Variants in MSRB3 observed in about 807,000 individuals in gnomAD.
MSRB3 encodes methionine sulfoxide reductase B3.
In MSRB3, 13 loss-of-function variants were observed where a neutral mutation model predicts 21.0. That is an observed-to-expected ratio of 0.62 (90% confidence interval 0.40 to 0.98). MSRB3 has a LOEUF of 0.98. Ranked by LOEUF, MSRB3 falls within the 50% of genes least tolerant of loss-of-function variation. The pLI is 0.00. For synonymous variants in MSRB3, 87 were observed against 88.6 expected, an observed-to-expected ratio of 0.98 and a Z score of 0.10; for missense variants, 199 against 230.3, an observed-to-expected ratio of 0.86 and a Z score of 0.88.
intron 4 of MSRB3, among the ~76,000 whole-genome samples, chr12:65,352,212 C>T (rs1198630902): frequency 6.6e-6 from 1 of 152,120 alleles, no homozygotes; most frequent in Non-Finnish European, 1.5e-5. Flanking sequence ...ACGACAAAAA[C>T]CACATAATTA....
At chr12:65,341,902 G>A (rs1876167719) in intron 4 of MSRB3, among the ~76,000 whole-genome samples, 1 of 151,796 alleles carries the variant, frequency 6.6e-6, no homozygotes, top group Non-Finnish European at 1.5e-5. Context: ...CATTCAAAAT[G>A]TATTCTTTAA....
At chr12:65,430,473 G>A (rs1881824120) in intron 5 of MSRB3, among the ~76,000 whole-genome samples, 4 of 152,104 alleles carry the variant, frequency 2.6e-5, no homozygotes, top group Admixed American at 2.6e-4. Flanking sequence ...TACTAGAAAA[G>A]AATTTCATAT....
At chr12:65,411,645 A>T (rs2136625620) in intron 5 of MSRB3, among the ~76,000 whole-genome samples, 1 of 151,942 alleles carries the variant, frequency 6.6e-6, no homozygotes, top group African/African-American at 2.4e-5. Context: ...GCAAAAAAAC[A>T]TTGGTTATTG....
chr12:65,389,138 A>C (rs1592590770), intron 5 of MSRB3, among the ~76,000 whole-genome samples: 2 of 151,974 alleles, frequency 1.3e-5, no homozygotes. Flanking sequence ...CAGAAGTCTC[A>C]CCCTTCAACT....
At chr12:65,452,165 C>G (rs538338486) in intron 5 of MSRB3, among the ~76,000 whole-genome samples, 2 of 152,092 alleles carry the variant, frequency 1.3e-5, no homozygotes, top group Non-Finnish European at 2.9e-5. Context: ...CAATGAAACT[C>G]CTAAACCTGT....
intron 5 of MSRB3, among the ~76,000 whole-genome samples, chr12:65,382,823 C>A (rs1156516541): frequency 6.6e-6 from 1 of 151,630 alleles, no homozygotes; most frequent in Non-Finnish European, 1.5e-5. Context: ...TAATTTCCAG[C>A]ATATATGTTA....
chr12:65,360,577 A>T (rs948522377), intron 4 of MSRB3, among the ~76,000 whole-genome samples: 2 of 151,854 alleles, frequency 1.3e-5, no homozygotes, highest in Non-Finnish European at 2.9e-5. Flanking sequence ...GTCCCCTCAC[A>T]CTTACTTTTT....
chr12:65,412,406 A>T (rs905576215), intron 5 of MSRB3, among the ~76,000 whole-genome samples: 3 of 152,120 alleles, frequency 2.0e-5, no homozygotes, highest in African/African-American at 7.2e-5. Flanking sequence ...GGACTTTCAA[A>T]TTGTGTGCTG....
At chr12:65,282,681 T>G (rs1381295826) in intron 1 of MSRB3, among the ~76,000 whole-genome samples, 2 of 151,070 alleles carry the variant, frequency 1.3e-5, no homozygotes, top group Non-Finnish European at 3.0e-5. Flanking sequence ...CTGGTGTTTT[T>G]TTTTTTTTTT....
chr12:65,399,164 G>A (rs1879978729), intron 5 of MSRB3, among the ~76,000 whole-genome samples: 2 of 152,264 alleles, frequency 1.3e-5, no homozygotes, highest in Admixed American at 1.3e-4. Flanking sequence ...TAGCTTGATG[G>A]AGATAGCATT....
intron 1 of MSRB3, among the ~76,000 whole-genome samples, chr12:65,281,504 G>A (rs1336600737): frequency 1.3e-5 from 2 of 152,180 alleles, no homozygotes; most frequent in African/African-American, 4.8e-5. Context: ...CAGTGTTGGA[G>A]AGTCCGGATC....
chr12:65,286,294 C>T (rs1448304280), intron 1 of MSRB3: 2 of 152,034 alleles, frequency 1.3e-5, no homozygotes, highest in African/African-American at 4.8e-5. Flanking sequence ...AAATTTGAGC[C>T]ATAGCGGAAA....
At chr12:65,318,724 A>G (rs546448386) in intron 2 of MSRB3, among the ~76,000 whole-genome samples, 17 of 152,192 alleles carry the variant, frequency 1.1e-4, no homozygotes, top group Non-Finnish European at 1.8e-4. Flanking sequence ...CTTTGGATCA[A>G]GACATTTTAA....
At chr12:65,407,743 A>C (rs566632563) in intron 5 of MSRB3, among the ~76,000 whole-genome samples, 52 of 151,964 alleles carry the variant, frequency 3.4e-4, no homozygotes, top group African/African-American at 1.1e-3. Context: ...TGTCTTTTTC[A>C]CTTTTTTCCC....
intron 5 of MSRB3, among the ~76,000 whole-genome samples, chr12:65,369,252 T>A (rs1038097337): frequency 6.6e-6 from 1 of 152,114 alleles, no homozygotes; most frequent in Admixed American, 6.6e-5. Flanking sequence ...ATGACCTATA[T>A]CTGCAGAGTT....
At chr12:65,314,394 A>G (rs1874166676) in intron 2 of MSRB3, among the ~76,000 whole-genome samples, 1 of 152,148 alleles carries the variant, frequency 6.6e-6, no homozygotes, top group Non-Finnish European at 1.5e-5. Context: ...AAAATATTTT[A>G]GAAAACTAAG....
chr12:65,353,071 C>T (rs538844429), intron 4 of MSRB3, among the ~76,000 whole-genome samples: 45 of 152,148 alleles, frequency 3.0e-4, no homozygotes, highest in Non-Finnish European at 4.9e-4. Context: ...CTAGTTTGAT[C>T]GCACTGTGTT....
chr12:65,383,405 T>C (rs549925766), intron 5 of MSRB3, among the ~76,000 whole-genome samples: 2 of 152,328 alleles, frequency 1.3e-5, no homozygotes, highest in South Asian at 4.1e-4. Flanking sequence ...CTGTTTATTT[T>C]GTAGTTAACA....
chr12:65,422,479 C>T (rs1280555656), intron 5 of MSRB3, among the ~76,000 whole-genome samples: 1 of 135,698 alleles, frequency 7.4e-6, no homozygotes, highest in African/African-American at 2.8e-5. Flanking sequence ...TGTAGGCATA[C>T]AATGTGTGAT....
Sources: gnomAD v4.1 joint callset for allele counts (sites outside exome capture counted in the v4.1 genomes callset) on GRCh38, gnomAD v4.1.1 for gene constraint, MANE v1.5 for transcripts, NCBI Gene and HGNC (gene_info 2026-07-23, HGNC 2026-07-21) for gene names.